Variants in ZNF729 observed in about 807,000 individuals in gnomAD.
The protein encoded by ZNF729 is zinc finger protein 729.
Under a neutral mutation model 12.2 loss-of-function variants are expected in ZNF729, and 15 were observed. The ratio of observed to expected loss-of-function variants is 1.23; its 90% confidence interval spans 0.82 to 1.89. The LOEUF (loss-of-function observed/expected upper bound fraction) is 1.89, where lower values mean the gene tolerates loss of function less well. Among genes scored for constraint, ZNF729 ranks in the 40% most tolerant of loss-of-function variants. ZNF729 has a pLI of 0.00. For missense variants in ZNF729, 1,540 were observed against 1,456.7 expected (o/e 1.06, Z -0.93); for synonymous variants, 492 against 476.3 (o/e 1.03, Z -0.43).
chr19:22,307,001 TG>T (rs1356354702), intron 3 of ZNF729, among the ~76,000 whole-genome samples: 1 of 151,902 alleles, frequency 6.6e-6, no homozygotes, highest in Non-Finnish European at 1.5e-5. Context: ...TATTTATATA[TG>T]GATTTTTGAT....
chr19:22,304,035 AT>A (rs34014506), intron 2 of ZNF729, among the ~76,000 whole-genome samples, 151 bp downstream of exon 2: 371 of 129,416 alleles, frequency 2.9e-3, no homozygotes, highest in African/African-American at 7.0e-3. Context: ...GTAGAAAGGA[AT>A]TTTTTTTTTT....
chr19:22,314,184 G>T lies in ZNF729; in HGVS notation c.767G>T (p.Arg256Ile). 1.3e-6 allele frequency: 2 copies of T among 1,588,228 alleles called. No individual in the cohort carries two copies. Among genetic ancestry groups the T allele is most frequent in the Non-Finnish European group, 1.7e-6 (2 of 1,167,968 alleles). Residue 256 changes from arginine to isoleucine, a missense_variant, in exon 4 of 4, where the codon AGA (arginine) becomes ATA (isoleucine). Arg to Ile is a moderately conservative substitution (Grantham distance 97). Coordinates refer to ENST00000601693, the MANE Select transcript of ZNF729 (RefSeq NM_001242680.2). ...KFSSTFTKHK[R>I]IHTGETPFRC... is the part of the protein sequence containing the mutation. ...TCTTCAACGTTCACTAAACATAAGA[G>T]AATTCATACTGGAGAGACACCTTTC...
At position 22,286,532 on chromosome 19, in the gene ZNF729, G is replaced by C. The variant is rs766785342; in HGVS notation, c.7G>C (p.Gly3Arg). MP[G>R]APGSLEMGPL... ...TGGAAGATCCACAGCTAACATGCCA[G>C]GTGCCCCTGGCAGCCTAGAAATGGT... Residue 3 changes from glycine to arginine, a missense_variant, in exon 1 of 4, where the codon GGT becomes CGT. Coordinates refer to ENST00000601693, the MANE Select transcript of ZNF729 (RefSeq NM_001242680.2). 3 of 1,613,832 alleles carry C rather than the reference G, an allele frequency of 1.9e-6. No homozygotes were observed. The highest frequency in any genetic ancestry group is 2.5e-6 in the Non-Finnish European group (3 of 1,180,012).
intron 2 of ZNF729, 77 bp downstream of exon 2, chr19:22,303,961 G>A (rs1968348059): frequency 1.4e-6 from 2 of 1,406,228 alleles, no homozygotes; most frequent in Admixed American, 2.2e-5. Flanking sequence ...ATGTGTTTTG[G>A]TGATTTATGC....
chr19:22,297,915 G>A (rs1968250778), intron 1 of ZNF729, among the ~76,000 whole-genome samples: 1 of 143,814 alleles, frequency 7.0e-6, no homozygotes, highest in African/African-American at 2.6e-5. Context: ...TGAGGCCAGA[G>A]AATTGCTTGA....
intron 3 of ZNF729, among the ~76,000 whole-genome samples, chr19:22,305,882 C>T (rs2145052009): frequency 6.6e-6 from 1 of 152,248 alleles, no homozygotes; most frequent in South Asian, 2.1e-4. Context: ...CAGTGAGCTG[C>T]AGCCTCAGCC....
At chr19:22,309,499 C>G (rs1001602543) in intron 3 of ZNF729, among the ~76,000 whole-genome samples, 2 of 152,114 alleles carry the variant, frequency 1.3e-5, no homozygotes, top group African/African-American at 4.8e-5. Flanking sequence ...TTTGCTTTGT[C>G]AAAGTTCAGT....
chr19:22,289,247 A>G (rs571743644), intron 1 of ZNF729, among the ~76,000 whole-genome samples: 1 of 145,754 alleles, frequency 6.9e-6, no homozygotes, highest in Non-Finnish European at 1.5e-5. Context: ...TTTTTTTGAG[A>G]CCAAGTCTCA....
At chr19:22,310,082 G>T (rs1968432848) in intron 3 of ZNF729, among the ~76,000 whole-genome samples, 1 of 152,010 alleles carries the variant, frequency 6.6e-6, no homozygotes, top group Non-Finnish European at 1.5e-5. Context: ...AAGCTTTGCT[G>T]AATTATTTTA....
intron 1 of ZNF729, among the ~76,000 whole-genome samples, chr19:22,287,763 C>A (rs1968100301): frequency 6.6e-6 from 1 of 151,338 alleles, no homozygotes; most frequent in African/African-American, 2.4e-5. Flanking sequence ...CTATCTCTGG[C>A]TTGCAGTAAA....
chr19:22,309,052 T>A (rs1183885688), intron 3 of ZNF729, among the ~76,000 whole-genome samples: 1 of 152,228 alleles, frequency 6.6e-6, no homozygotes, highest in Non-Finnish European at 1.5e-5. Flanking sequence ...TAGATTTAAG[T>A]CCTTAATCCA....
chr19:22,291,945 G>GA (rs1328455132), intron 1 of ZNF729, among the ~76,000 whole-genome samples: 6 of 152,154 alleles, frequency 3.9e-5, no homozygotes, highest in Admixed American at 1.3e-4. Flanking sequence ...TGTTGGCCAG[G>GA]ATGGTCTCAA....
intron 1 of ZNF729, among the ~76,000 whole-genome samples, chr19:22,289,421 T>A (rs1418854699): frequency 6.6e-6 from 1 of 151,896 alleles, no homozygotes; most frequent in African/African-American, 2.4e-5. Context: ...GAGATGGGGT[T>A]TCACCGTGTT....
chr19:22,287,971 G>A (rs1455023736), intron 1 of ZNF729, among the ~76,000 whole-genome samples: 2 of 151,232 alleles, frequency 1.3e-5, no homozygotes, highest in Non-Finnish European at 2.9e-5. Flanking sequence ...TCAACCTCCT[G>A]AGTAGCTGGG....
In ZNF729 at chr19:22,286,451, G is replaced by C. The variant is rs1411046874; in HGVS notation, c.-75G>C. On this transcript the variant is annotated 5_prime_UTR_variant, in exon 1 of 4. Transcript: ENST00000601693. ...TTTCTGGTTGCAGCCGCAGTTCCCG[G>C]TCTCGCCTTCACTGCTGTGTGTCCT... 1.3e-6 allele frequency: 2 copies of C among 1,587,300 alleles called. No homozygotes were observed. The highest frequency in any genetic ancestry group is 1.4e-5 in the African/African-American group (1 of 73,754).
rs762420381 is a variant in ZNF729 at position 22,317,007 on chromosome 19, T to G, written c.3590T>G (p.Phe1197Cys). The G allele has an allele frequency of 1.9e-6, 3 of 1,612,304 alleles. No homozygotes were observed. Among genetic ancestry groups the G allele is most frequent in the East Asian group, 2.2e-5 (1 of 44,844 alleles). The change falls in exon 4 of 4, where the codon TTT (phenylalanine) becomes TGT (cysteine). Residue 1197 changes from phenylalanine (F) to cysteine (C), a missense_variant. By Grantham distance (205) the Phe-to-Cys change is radical. Transcript: ENST00000601693. The part of the protein sequence containing the change: ...PYKCEECGKA[F>C]IQCSYLIRHK... ...AAATGTGAAGAATGTGGCAAAGCTTTTATTCAGTGCTCATACCTTATTAGA... is the reference window on the plus strand; with the variant it reads ...AAATGTGAAGAATGTGGCAAAGCTTGTATTCAGTGCTCATACCTTATTAGA...
chr19:22,299,037 T>G (rs1190299269), intron 1 of ZNF729: 1 of 152,214 alleles, frequency 6.6e-6, no homozygotes, highest in East Asian at 1.9e-4. Flanking sequence ...ATTCAATGGC[T>G]AGGAGATGAG....
chr19:22,294,720 A>C (rs1968203451), intron 1 of ZNF729, among the ~76,000 whole-genome samples: 1 of 142,512 alleles, frequency 7.0e-6, no homozygotes, highest in Non-Finnish European at 1.5e-5. Context: ...GCAATGGCAC[A>C]GTCTTAGCTC....
Sources: allele counts gnomAD v4.1 joint callset (sites outside exome capture counted in the v4.1 genomes callset), GRCh38; gene constraint gnomAD v4.1.1; transcripts MANE v1.5; gene names NCBI Gene and HGNC (gene_info 2026-07-23, HGNC 2026-07-21).